The following TLE3 variants were observed in gnomAD, a reference collection of about 807,000 sequenced individuals.
TLE3 encodes TLE family member 3, transcriptional corepressor.
TLE3 carries 14 observed loss-of-function variants against 93.0 expected under a neutral mutation model. That is an observed-to-expected ratio of 0.15 (90% confidence interval 0.10 to 0.24). The LOEUF is 0.24. TLE3 is among the 10% of genes least tolerant of loss of function. The pLI, the probability that TLE3 is intolerant of heterozygous loss-of-function variation, is 1.00. For synonymous variants in TLE3, 451 were observed against 425.0 expected (o/e 1.06, Z -0.75); for missense variants, 693 against 1,046.6 (o/e 0.66, Z 4.66).
intron 19 of TLE3, chr15:70,051,032 C>T (rs533066043): frequency 5.7e-6 from 1 of 176,966 alleles, no homozygotes; most frequent in East Asian, 1.7e-4. Context: ...CTGGGCAAGG[C>T]TGCCGGGTGC....
intron 14 of TLE3, 148 bp from the exon 15 acceptor site, chr15:70,055,446 C>T: frequency 8.8e-7 from 1 of 1,132,644 alleles, no homozygotes; most frequent in Non-Finnish European, 1.2e-6. Flanking sequence ...CCAGTAACCC[C>T]ATGTACTGGG....
At chr15:70,082,872 C>T (rs1281707073) in intron 4 of TLE3, among the ~76,000 whole-genome samples, 1 of 152,188 alleles carries the variant, frequency 6.6e-6, no homozygotes, top group Non-Finnish European at 1.5e-5. Context: ...CGGCAAGGGA[C>T]TCTGGGGTTG....
chr15:70,093,242 A>G (rs1415592333), intron 4 of TLE3, among the ~76,000 whole-genome samples: 1 of 152,184 alleles, frequency 6.6e-6, no homozygotes, highest in African/African-American at 2.4e-5. Flanking sequence ...GGCTTCCCAC[A>G]CATTGCTCAA....
intron 4 of TLE3, among the ~76,000 whole-genome samples, chr15:70,076,797 T>G (rs1195131718): frequency 6.6e-6 from 1 of 152,210 alleles, no homozygotes; most frequent in Non-Finnish European, 1.5e-5. Context: ...TTTGGCTCAC[T>G]GCAGCCTCGA....
Position 70,096,217 on chromosome 15 carries a change from A to C in TLE3, c.69T>G (p.Ala23=), listed in dbSNP as rs969893599. ...CGTCTTTGATCCTGTCACAAGACTC[A>C]GCCACCGTGAATTTAAATCCCGGCT... ...PGQPGFKFTV[A]ESCDRIKDEF... is the part of the protein sequence containing the mutation. The change falls in exon 2 of 20, where the codon GCT becomes GCG. Residue 23 remains alanine, a synonymous_variant. Transcript: ENST00000451782. 2.6e-6 allele frequency: 4 copies of C among 1,561,104 alleles called. No individual in the cohort carries two copies. Among genetic ancestry groups the C allele is most frequent in the Non-Finnish European group, 3.5e-6 (4 of 1,152,374 alleles).
chr15:70,078,687 CG>C (rs1436050647), intron 4 of TLE3, among the ~76,000 whole-genome samples: 2 of 152,206 alleles, frequency 1.3e-5, no homozygotes, highest in East Asian at 3.9e-4. Context: ...CCTTCACCAA[CG>C]GGGTGGGGTG....
At chr15:70,095,506 C>T in intron 3 of TLE3, 72 bp downstream of exon 3, 1 of 1,547,062 alleles carries the variant, frequency 6.5e-7, no homozygotes. Context: ...CGCTCATCTC[C>T]CCAGATCCAC....
rs551097345 is a variant in TLE3 at position 70,081,272 on chromosome 15, C to T, written c.235-5114G>A. Among the ~76,000 whole-genome samples the T allele has an allele frequency of 2.6e-5, 4 of 152,310 alleles. No individual in the cohort carries two copies. The South Asian group carries it at 6.2e-4, about 24-fold the overall frequency. ...AGAGTTTTAGAACCCTAAATATTCC[C>T]GAATTGGCGTGCAGCTTATCATTTC... On this transcript the variant is annotated intron_variant, in intron 4 of 19. Transcript: ENST00000451782.
chr15:70,054,813 C>G, intron 15 of TLE3, 128 bp from the exon 16 acceptor site: 1 of 1,327,692 alleles, frequency 7.5e-7, no homozygotes, highest in Middle Eastern at 2.7e-4. Context: ...CCAGCAGCTG[C>G]CAGGCTGTCC....
intron 8 of TLE3, among the ~76,000 whole-genome samples, chr15:70,061,540 GA>G (rs1488566225): frequency 1.3e-5 from 2 of 152,184 alleles, no homozygotes; most frequent in Non-Finnish European, 1.5e-5. Flanking sequence ...ATAGTGGTCA[GA>G]AATCACCATG....
chr15:70,066,780 G>C (rs2056841522), intron 6 of TLE3: 2 of 189,324 alleles, frequency 1.1e-5, no homozygotes, highest in Non-Finnish European at 2.3e-5. Context: ...AGTGGAATGA[G>C]AGCTAACGTC....
At chr15:70,093,043 C>T (rs2058376119) in intron 4 of TLE3, among the ~76,000 whole-genome samples, 1 of 152,228 alleles carries the variant, frequency 6.6e-6, no homozygotes, top group South Asian at 2.1e-4. Context: ...CCCCCAGTTC[C>T]ATTTCAAGCA....
In TLE3 at chr15:70,066,068, G is replaced by C. The variant is rs747352908; in HGVS notation, c.523C>G (p.Gln175Glu). 5 of 1,602,890 alleles carry C rather than the reference G, an allele frequency of 3.1e-6. No individual in the cohort carries two copies. The South Asian group carries it at 5.6e-5, about 18-fold the overall frequency. ...TCATCCTTCACCGTCAGATGGGCCT[G>C]GCTGCCCAGGGCGCCCAGTGCCAGC... Reference protein sequence around the residue: ...GLLALGALGSQAHLTVKDEKN... With the variant: ...GLLALGALGSEAHLTVKDEKN... Residue 175 changes from glutamine to glutamate, a missense_variant, in exon 7 of 20, where the codon CAG becomes GAG. This residue lies in a region of TLE3 where 405 missense variants were observed against 468.9 expected (regional missense o/e 0.86). Transcript: ENST00000451782.
At position 70,066,034 on chromosome 15, in the gene TLE3, T is replaced by C. The variant is rs1365329142; in HGVS notation, c.557A>G (p.His186Arg). ...CGCACCTCTGTGATCGAGTTCATGG[T>C]GGTTCTTCTCATCCTTCACCGTCAG... The part of the protein sequence containing the change: ...AHLTVKDEKN[H>R]HELDHRERES... Residue 186 changes from histidine to arginine, a missense_variant, in exon 7 of 20, where the codon CAC becomes CGC. Around this residue, in one of 4 missense-constraint regions of TLE3, gnomAD observed 405 missense variants for 468.9 expected, o/e 0.86. Coordinates refer to ENST00000451782, the MANE Select transcript of TLE3 (RefSeq NM_001105192.3). 1 of 1,490,416 alleles carries C rather than the reference T, an allele frequency of 6.7e-7. No individual in the cohort carries two copies. The highest frequency in any genetic ancestry group is 1.8e-5 in the Admixed American group (1 of 55,844). The allele number at this position is 1,490,416 out of a possible 1,614,324, so 92.3% of individuals were successfully genotyped here.
chr15:70,065,700 A>G (rs914300657), intron 7 of TLE3, among the ~76,000 whole-genome samples: 1 of 152,252 alleles, frequency 6.6e-6, no homozygotes, highest in Non-Finnish European at 1.5e-5. Context: ...CCAGGAAGGC[A>G]TCCTGAAGGG....
chr15:70,051,317 C>T, intron 19 of TLE3, 74 bp downstream of exon 19: 1 of 1,431,910 alleles, frequency 7.0e-7, no homozygotes, highest in East Asian at 2.5e-5. Flanking sequence ...CTGCTGCTAT[C>T]CTCACTCCCA....
At position 70,048,328 on chromosome 15, in the gene TLE3, A is replaced by G. The variant is rs377451123; in HGVS notation, c.*1769T>C. Reference sequence around the variant, plus strand: ...CCCTTCTGGCTAGAGCCTTAACAAGAGGTGGCAGATGGACATCTGAGACCC... The same window carrying G: ...CCCTTCTGGCTAGAGCCTTAACAAGGGGTGGCAGATGGACATCTGAGACCC... On this transcript the variant is annotated 3_prime_UTR_variant, in exon 20 of 20. Coordinates refer to ENST00000451782, the MANE Select transcript of TLE3 (RefSeq NM_001105192.3). 6.6e-6 allele frequency: 1 copy of G among 152,194 alleles called. No homozygotes were observed. Among genetic ancestry groups the G allele is most frequent in the East Asian group, 1.9e-4 (1 of 5,200 alleles). The allele number at this position is 152,194 out of a possible 1,614,324, so 9.4% of individuals were successfully genotyped here.
chr15:70,096,775 C>A lies in TLE3; in HGVS notation c.24G>T (p.Pro8=). The change falls in exon 1 of 20, where the codon CCG becomes CCT. Residue 8 remains proline (P), a splice_region_variant and synonymous_variant. Coordinates refer to ENST00000451782, the MANE Select transcript of TLE3 (RefSeq NM_001105192.3). MYPQGRH[P]APHQPGQPGF... is the part of the protein sequence containing the mutation. ...AATAAACCGAGTTGCAATTACTCAC[C>A]GGATGTCTGCCCTGCGGATACATGG... 6.2e-7 allele frequency: 1 copy of A among 1,613,234 alleles called. No individual in the cohort carries two copies. Among genetic ancestry groups the A allele is most frequent in the South Asian group, 1.1e-5 (1 of 90,958 alleles).
rs201580470 is a variant in TLE3, at chr15:70,056,354, G to T, written c.1272C>A (p.Pro424=). Residue 424 remains proline, a synonymous_variant, in exon 14 of 20, where the codon CCC becomes CCA. Coordinates refer to ENST00000451782, the MANE Select transcript of TLE3 (RefSeq NM_001105192.3). ...SFGAVGFDPH[P]PMRATGLPSS... ...AGGGGAGGCCTGTGGCCCGCATCGG[G>T]GGGTGAGGGTCAAAACCAACCTGTA... The T allele has an allele frequency of 3.2e-4, 516 of 1,613,426 alleles. 2 individuals carry two copies. Among genetic ancestry groups the T allele is most frequent in the Middle Eastern group, 6.6e-4 (4 of 6,082 alleles).
Sources: allele counts gnomAD v4.1 joint callset (sites outside exome capture counted in the v4.1 genomes callset), GRCh38; gene constraint gnomAD v4.1.1; regional missense constraint gnomAD v4.1.1; transcripts MANE v1.5; gene names NCBI Gene and HGNC (gene_info 2026-07-23, HGNC 2026-07-21).